PHF12: variants seen among roughly 807,000 people sequenced by gnomAD.
PHF12 encodes the protein PHD factor 1.
PHF12 carries 6 observed loss-of-function variants against 99.8 expected under a neutral mutation model. That is an observed-to-expected ratio of 0.06 (90% CI 0.03 to 0.12). The LOEUF (loss-of-function observed/expected upper bound fraction) is 0.12. Ranked by LOEUF, PHF12 falls within the 10% of genes least tolerant of loss-of-function variation. PHF12 has a pLI of 1.00. For missense variants in PHF12, 954 were observed against 1,300.1 expected (o/e 0.73, Z 4.09); for synonymous variants, 480 against 514.9 (o/e 0.93, Z 0.92).
chr17:28,921,819 A>G lies in PHF12; in HGVS notation c.716-11T>C. 1 of 1,614,044 alleles carries G rather than the reference A, an allele frequency of 6.2e-7. No individual in the cohort carries two copies. Among genetic ancestry groups the G allele is most frequent in the Non-Finnish European group, 8.5e-7 (1 of 1,179,970 alleles). On this transcript the variant is annotated splice_polypyrimidine_tract_variant and intron_variant, in intron 4 of 14. Coordinates refer to ENST00000332830, the MANE Select transcript of PHF12 (RefSeq NM_001033561.2). ...TCCTCTTGCTAGAACCTAGAAAAGAAAATGATGGTGCTGAGCTATCCCTGG... is the reference window on the plus strand; with the variant it reads ...TCCTCTTGCTAGAACCTAGAAAAGAGAATGATGGTGCTGAGCTATCCCTGG...
intron 3 of PHF12, chr17:28,925,249 A>C (rs2040248953): frequency 6.6e-6 from 1 of 152,200 alleles, no homozygotes; most frequent in East Asian, 1.9e-4. Flanking sequence ...GGTGGGCAGG[A>C]ATTTCTTCAT....
Position 28,950,182 on chromosome 17 carries a change from T to C in PHF12, c.131A>G (p.Glu44Gly). The C allele has an allele frequency of 6.2e-7, 1 of 1,613,448 alleles. No homozygotes were observed. The highest frequency in any genetic ancestry group is 8.5e-7 in the Non-Finnish European group (1 of 1,179,958). The change falls in exon 2 of 15, where the codon GAG becomes GGG. Residue 44 changes from glutamate (E) to glycine (G), a missense_variant. Glu to Gly is a moderately conservative substitution (Grantham distance 98, BLOSUM62 -2). This residue lies in a region of PHF12 where 66 missense variants were observed against 69.4 expected (regional missense o/e 0.95). Transcript: ENST00000332830. This position sits in a 1 kb window ranked among gnomAD's most constrained non-coding sequence, Gnocchi z 5.7. Reference sequence around the variant, plus strand: ...CCTGCCGCTTCTCCGGGGCTCCTTCTCAGGCTTCCGACTGCGCTTTTCTGC... The same window carrying C: ...CCTGCCGCTTCTCCGGGGCTCCTTCCCAGGCTTCCGACTGCGCTTTTCTGC... ...DEAEKRSRKP[E>G]KEPRRSGRAT...
chr17:28,923,639 CAA>C (rs1273895526), intron 4 of PHF12, among the ~76,000 whole-genome samples: 1 of 31,174 alleles, frequency 3.2e-5, no homozygotes, highest in African/African-American at 1.8e-4. Flanking sequence ...GCCTGAGTGA[CAA>C]AGTGAGACTC....
intron 3 of PHF12, chr17:28,926,769 T>G (rs1460232695): frequency 6.6e-7 from 1 of 1,510,610 alleles, no homozygotes. Context: ...CATGGCTCAG[T>G]AAGTTAACAC....
rs1444110729 is a variant in PHF12 at position 28,906,020 on chromosome 17, A to T, written c.*163T>A. 5 of 730,564 alleles carry T rather than the reference A, an allele frequency of 6.8e-6. No individual in the cohort carries two copies. The South Asian group carries it at 1.2e-4, about 17-fold the overall frequency. 45.3% of individuals were successfully genotyped at this position (730,564 alleles called of 1,614,324 possible). On this transcript the variant is annotated 3_prime_UTR_variant, in exon 15 of 15. Transcript: ENST00000332830. This position sits in a 1 kb window ranked among gnomAD's most constrained non-coding sequence, Gnocchi z 4.2. ...CCTAGAACTTGAGAAAAGAAAAAGG[A>T]TTTTTAAAAAACAGTCAAAAGGTTT...
intron 7 of PHF12, among the ~76,000 whole-genome samples, chr17:28,914,528 CG>C (rs2040025376): frequency 6.6e-6 from 1 of 151,754 alleles, no homozygotes; most frequent in African/African-American, 2.4e-5. Context: ...AAAAATTAGC[CG>C]GGCGTGGTGG....
In PHF12 at chr17:28,924,159, C is replaced by A. The variant is rs2152666949; in HGVS notation, c.465G>T (p.Arg155=). 1 of 1,614,202 alleles carries A rather than the reference C, an allele frequency of 6.2e-7. No homozygotes were observed. Among genetic ancestry groups the A allele is most frequent in the Middle Eastern group, 1.6e-4 (1 of 6,062 alleles). ...GCCTGCTGGCTCTCCTTTCCAGGAT[C>A]CGGGCATGGGCAATGGCCTTTAGTT... is the stretch of plus-strand genomic sequence containing the variant. The part of the protein sequence containing the change: ...KTELKAIAHA[R]ILERRASRPG... The change falls in exon 4 of 15, where the codon CGG becomes CGT. Residue 155 remains arginine, a synonymous_variant. Transcript: ENST00000332830.
Position 28,950,432 on chromosome 17 carries a change from C to T in PHF12, c.67-186G>A, listed in dbSNP as rs1397616626. ...GGAGCCCACCCTAACCGCGTTCCTGCAGCACAACAACGAGAACAGCTTCTT... is the reference window on the plus strand; with the variant it reads ...GGAGCCCACCCTAACCGCGTTCCTGTAGCACAACAACGAGAACAGCTTCTT... On this transcript the variant is annotated intron_variant, in intron 1 of 14. Transcript: ENST00000332830. This position sits in a 1 kb window ranked among gnomAD's most constrained non-coding sequence, Gnocchi z 5.7. 5 of 628,850 alleles carry T rather than the reference C, an allele frequency of 8.0e-6. No individual in the cohort carries two copies. The highest frequency in any genetic ancestry group is 1.4e-5 in the Non-Finnish European group (5 of 365,658). 39.0% of individuals were successfully genotyped at this position (628,850 alleles called of 1,614,324 possible).
intron 2 of PHF12, among the ~76,000 whole-genome samples, chr17:28,943,787 G>A (rs1194838687): frequency 1.3e-5 from 2 of 152,112 alleles, no homozygotes; most frequent in Non-Finnish European, 2.9e-5. Flanking sequence ...TCCATACAAT[G>A]GAATATTGTT....
chr17:28,934,974 T>C (rs1367240316), intron 2 of PHF12, among the ~76,000 whole-genome samples: 2 of 152,248 alleles, frequency 1.3e-5, no homozygotes, highest in Non-Finnish European at 2.9e-5. Context: ...AGTTGTCTTC[T>C]GTACCTGAAC....
At position 28,950,815 on chromosome 17, in the gene PHF12, T is replaced by C. The variant is rs1598170134; in HGVS notation, c.66+80A>G. The C allele has an allele frequency of 9.5e-6, 15 of 1,578,178 alleles. No individual in the cohort carries two copies. The East Asian group carries it at 3.5e-4, about 37-fold the overall frequency. On this transcript the variant is annotated intron_variant, in intron 1 of 14. Transcript: ENST00000332830. The surrounding 1 kb of genome is among the most constrained non-coding windows in gnomAD (Gnocchi z 5.7). ...CCCTCGGCCATCTAGGCGCTTCGAG[T>C]TTAGGACTGGCTTTGTGGGGCGGAG... is the stretch of plus-strand genomic sequence containing the variant.
chr17:28,929,276 CTT>C (rs894575609), intron 2 of PHF12, among the ~76,000 whole-genome samples: 1 of 150,296 alleles, frequency 6.7e-6, no homozygotes, highest in East Asian at 2.0e-4. Flanking sequence ...GAGTTTTGCT[CTT>C]GTTGCCCAGG....
chr17:28,915,343 G>T (rs534535342), intron 7 of PHF12, among the ~76,000 whole-genome samples: 16 of 152,220 alleles, frequency 1.1e-4, no homozygotes, highest in Admixed American at 1.0e-3. Flanking sequence ...TTGAGGGACT[G>T]AGTAGTGATC....
At chr17:28,907,935 T>G in intron 12 of PHF12, 1 of 357,230 alleles carries the variant, frequency 2.8e-6, no homozygotes, top group South Asian at 2.8e-5. Flanking sequence ...AGTGAGCTAC[T>G]GAAGAGGATG....
chr17:28,951,199 A>G lies in PHF12; in HGVS notation c.-239T>C, dbSNP rs1267622615. The stretch of plus-strand genomic sequence containing the variant: ...CAGTCCCGGCCCGGCTGCTGGCTGC[A>G]CAGTGGGTCCCGGCTCCGGGGGTCA... On this transcript the variant is annotated 5_prime_UTR_variant, in exon 1 of 15. Coordinates refer to ENST00000332830, the MANE Select transcript of PHF12 (RefSeq NM_001033561.2). 1.4e-6 allele frequency: 2 copies of G among 1,384,776 alleles called. No individual in the cohort carries two copies. Among genetic ancestry groups the G allele is most frequent in the Non-Finnish European group, 1.9e-6 (2 of 1,072,056 alleles). 85.8% of individuals were successfully genotyped at this position (1,384,776 alleles called of 1,614,324 possible).
At chr17:28,921,959 A>G (rs1479855920) in intron 4 of PHF12, 151 bp from the exon 5 acceptor site, 20 of 1,090,720 alleles carry the variant, frequency 1.8e-5, no homozygotes, top group Non-Finnish European at 1.5e-5. Context: ...GGTTGATTTT[A>G]AGTTAGAAAA....
chr17:28,913,303 G>A, intron 8 of PHF12, 26 bp from the exon 9 acceptor site: 1 of 1,574,352 alleles, frequency 6.4e-7, no homozygotes, highest in Non-Finnish European at 8.6e-7. Flanking sequence ...AGGAGAGGGG[G>A]GTGAGAAGCC....
intron 6 of PHF12, among the ~76,000 whole-genome samples, 165 bp from the exon 7 acceptor site, chr17:28,917,614 G>T (rs1287170287): frequency 6.6e-6 from 1 of 152,136 alleles, no homozygotes; most frequent in African/African-American, 2.4e-5. Context: ...AGGGAACATG[G>T]ATGAGACTTC....
In PHF12 at chr17:28,917,275, T is replaced by C; in HGVS notation, c.1134+10A>G. 1 of 1,613,178 alleles carries C rather than the reference T, an allele frequency of 6.2e-7. No individual in the cohort carries two copies. The highest frequency in any genetic ancestry group is 8.5e-7 in the Non-Finnish European group (1 of 1,180,008). ...GACTACCATCTTGCCTGCACCTGATTGTGACTCACCTTCAAGCTTCTTCTT... is the reference window on the plus strand; with the variant it reads ...GACTACCATCTTGCCTGCACCTGATCGTGACTCACCTTCAAGCTTCTTCTT... On this transcript the variant is annotated intron_variant, in intron 7 of 14. Transcript: ENST00000332830.
Sources: allele counts gnomAD v4.1 joint callset (sites outside exome capture counted in the v4.1 genomes callset), GRCh38; gene constraint gnomAD v4.1.1; regional missense constraint gnomAD v4.1.1; non-coding constraint Gnocchi (gnomAD v3.1); transcripts MANE v1.5; gene names NCBI Gene and HGNC (gene_info 2026-07-23, HGNC 2026-07-21).